Variants in FABP7 observed in about 807,000 individuals in gnomAD.
FABP7 encodes fatty acid-binding protein, brain.
FABP7 carries 13 observed loss-of-function variants against 14.2 expected under a neutral mutation model. That is an observed-to-expected ratio of 0.91 (90% CI 0.59 to 1.45). FABP7 has a LOEUF of 1.45. Among genes scored for constraint, FABP7 ranks in the 40% most tolerant of loss-of-function variants. The pLI, the probability that FABP7 is intolerant of heterozygous loss-of-function variation, is 0.00. For missense variants in FABP7, 149 were observed against 157.6 expected, an observed-to-expected ratio of 0.95 and a Z score of 0.29; for synonymous variants, 49 against 51.4, an observed-to-expected ratio of 0.95 and a Z score of 0.20.
At chr6:122,776,207 A>G (rs918714505), upstream of FABP7, among the ~76,000 whole-genome samples, 5 of 152,164 alleles carry the variant, frequency 3.3e-5, no homozygotes, top group Non-Finnish European at 5.9e-5. Context: ...CAGTATATCA[A>G]AGAGTTATCT....
At chr6:122,780,108 T>G (rs1166202900) in intron 1 of FABP7, among the ~76,000 whole-genome samples, 183 bp from the exon 2 acceptor site, 1 of 152,214 alleles carries the variant, frequency 6.6e-6, no homozygotes, top group African/African-American at 2.4e-5. Flanking sequence ...CTTCTCTGAC[T>G]TTTTTGGTTT....
the FABP7 span, among the ~76,000 whole-genome samples, chr6:122,758,051 T>C: frequency 6.6e-6 from 1 of 151,900 alleles, no homozygotes; most frequent in Non-Finnish European, 1.5e-5. Context: ...TGGGCTTTAC[T>C]TCATTGCAAT....
the FABP7 span, among the ~76,000 whole-genome samples, chr6:122,773,701 A>G: frequency 6.6e-6 from 1 of 152,198 alleles, no homozygotes; most frequent in African/African-American, 2.4e-5. Flanking sequence ...TCTTACAAGA[A>G]ATAATGTCAT....
intron 3 of FABP7, 44 bp from the exon 4 acceptor site, chr6:122,783,673 A>C: frequency 6.4e-7 from 1 of 1,554,404 alleles, no homozygotes; most frequent in Non-Finnish European, 8.6e-7. Context: ...TCGGTGACTG[A>C]AGTTCCTGTA....
Position 122,781,223 on chromosome 6 carries a change from T to A in FABP7, c.348+29T>A, listed in dbSNP as rs758340936. 5 of 1,611,472 alleles carry A rather than the reference T, an allele frequency of 3.1e-6. No individual in the cohort carries two copies. In the Admixed American group the frequency reaches 8.3e-5, roughly 27 times the overall value. On this transcript the variant is annotated intron_variant, in intron 3 of 3. Coordinates refer to ENST00000368444, the MANE Select transcript of FABP7 (RefSeq NM_001446.5). ...AGTAATGACAATTCTCCATTCTTCC[T>A]TGTTTTTTTCTCCTCTCCGCACACC... is the stretch of plus-strand genomic sequence containing the variant.
chr6:122,760,876 A>G, the FABP7 span, among the ~76,000 whole-genome samples: 2 of 152,176 alleles, frequency 1.3e-5, no homozygotes, highest in African/African-American at 4.8e-5. Flanking sequence ...ATATATCACT[A>G]TTATAACTTA....
At chr6:122,770,270 G>A in the FABP7 span, among the ~76,000 whole-genome samples, 3 of 152,022 alleles carry the variant, frequency 2.0e-5, no homozygotes, top group Non-Finnish European at 4.4e-5. Context: ...TATTTAGATT[G>A]GGGATAGTTT....
At chr6:122,754,321 C>G in the FABP7 span, among the ~76,000 whole-genome samples, 1 of 151,934 alleles carries the variant, frequency 6.6e-6, no homozygotes, top group South Asian at 2.1e-4. Context: ...CAAATATTTC[C>G]TCATCTTCTT....
At chr6:122,756,821 A>G in the FABP7 span, among the ~76,000 whole-genome samples, 1 of 152,076 alleles carries the variant, frequency 6.6e-6, no homozygotes, top group African/African-American at 2.4e-5. Flanking sequence ...ACAGGTGACC[A>G]CTCACTCCTT....
At chr6:122,766,735 GACA>G in the FABP7 span, among the ~76,000 whole-genome samples, 2 of 152,024 alleles carry the variant, frequency 1.3e-5, no homozygotes, top group African/African-American at 4.8e-5. Context: ...TCAAGAATGA[GACA>G]ACAATACACA....
rs1780785399 is a variant in FABP7 at position 122,781,575 on chromosome 6, AG to A, written c.348+382del. 3 of 1,217,374 alleles carry A rather than the reference AG, an allele frequency of 2.5e-6. No individual in the cohort carries two copies. The African/African-American group carries it at 4.6e-5, about 19-fold the overall frequency. 75.4% of individuals were successfully genotyped at this position (1,217,374 alleles called of 1,614,324 possible). A position where few individuals can be genotyped will look rare whatever the true frequency, so the allele number is the denominator to read the frequency against. On this transcript the variant is annotated intron_variant, in intron 3 of 3. Coordinates refer to ENST00000368444, the MANE Select transcript of FABP7 (RefSeq NM_001446.5). ...ATATAAAGATAATTGCTATTATAAG[AG>A]AATCTCAGACAGATGACTTTATAGC...
At chr6:122,773,128 T>G in the FABP7 span, among the ~76,000 whole-genome samples, 6 of 152,320 alleles carry the variant, frequency 3.9e-5, no homozygotes, top group South Asian at 1.2e-3. Flanking sequence ...GGCATCTGGT[T>G]GCAGGTTTCT....
chr6:122,781,753 T>TTTTG, intron 3 of FABP7: 1 of 952,142 alleles, frequency 1.1e-6, no homozygotes, highest in Non-Finnish European at 1.2e-6. Context: ...TTTTTTTTTT[T>TTTTG]TTTTTGAGAT....
chr6:122,752,622 T>C, the FABP7 span, among the ~76,000 whole-genome samples: 5 of 152,226 alleles, frequency 3.3e-5, no homozygotes, highest in Non-Finnish European at 5.9e-5. Context: ...GGTTTTTCTA[T>C]AGATAGAATC....
chr6:122,781,747 T>A, intron 3 of FABP7: 1 of 956,978 alleles, frequency 1.0e-6, no homozygotes, highest in Non-Finnish European at 1.2e-6. Context: ...ACCCTTTTTT[T>A]TTTTTTTTTT....
At chr6:122,764,236 T>C in the FABP7 span, among the ~76,000 whole-genome samples, 1 of 152,224 alleles carries the variant, frequency 6.6e-6, no homozygotes, top group Middle Eastern at 3.4e-3. Flanking sequence ...ATGTCCTTTG[T>C]AGGGACATGG....
At chr6:122,773,295 C>A in the FABP7 span, among the ~76,000 whole-genome samples, 1 of 152,086 alleles carries the variant, frequency 6.6e-6, no homozygotes, top group Non-Finnish European at 1.5e-5. Context: ...TCTAAATTAC[C>A]CTTAAGTTCC....
the FABP7 span, among the ~76,000 whole-genome samples, chr6:122,773,886 T>A: frequency 5.4e-4 from 81 of 150,850 alleles, no homozygotes; most frequent in Admixed American, 6.6e-4. Flanking sequence ...CACTACTTTT[T>A]AAAAAAAACA....
the FABP7 span, among the ~76,000 whole-genome samples, chr6:122,749,444 G>A: frequency 2.0e-5 from 3 of 152,112 alleles, no homozygotes; most frequent in Non-Finnish European, 4.4e-5. Flanking sequence ...ATGATTAATA[G>A]TCTCTCTCTC....
Sources: gnomAD v4.1 joint callset for allele counts (sites outside exome capture counted in the v4.1 genomes callset) on GRCh38, gnomAD v4.1.1 for gene constraint, MANE v1.5 for transcripts, NCBI Gene and HGNC (gene_info 2026-07-23, HGNC 2026-07-21) for gene names.